PCAT7: variants seen among roughly 807,000 people sequenced by gnomAD.
PCAT7 encodes the protein prostate cancer associated transcript 7, also known as prostate cancer associated transcript 7 (non-protein coding).
chr9:94,567,377 C>G (rs141540383), intron 2 of PCAT7: 91 of 1,614,006 alleles, frequency 5.6e-5, no homozygotes, highest in Non-Finnish European at 7.5e-5. Flanking sequence ...ATCTTGACAT[C>G]TTTTTCCACC....
intron 2 of PCAT7, among the ~76,000 whole-genome samples, chr9:94,562,492 A>G (rs1056827218): frequency 2.0e-5 from 3 of 152,062 alleles, no homozygotes; most frequent in Admixed American, 2.0e-4. Context: ...TGATACACCA[A>G]CCTATTAAAA....
intron 2 of PCAT7, chr9:94,571,346 C>T: frequency 8.8e-7 from 1 of 1,133,902 alleles, no homozygotes; most frequent in Non-Finnish European, 1.2e-6. Flanking sequence ...TCTCAGGACC[C>T]CTGGTCCCCA....
chr9:94,559,434 A>G (rs1827060872), intron 2 of PCAT7, among the ~76,000 whole-genome samples: 1 of 152,132 alleles, frequency 6.6e-6, no homozygotes, highest in African/African-American at 2.4e-5. Flanking sequence ...TATGAGATCT[A>G]GGCATCTATT....
intron 1 of PCAT7, among the ~76,000 whole-genome samples, chr9:94,557,792 C>T (rs1290014888): frequency 6.6e-6 from 1 of 152,198 alleles, no homozygotes; most frequent in Non-Finnish European, 1.5e-5. Context: ...TTTGATTTGT[C>T]AATCTTTCAT....
intron 2 of PCAT7, chr9:94,569,394 G>A (rs1654151747): frequency 6.6e-6 from 1 of 152,170 alleles, no homozygotes; most frequent in African/African-American, 2.4e-5. Context: ...ATTGAGCCGG[G>A]GTCAATTTTG....
At chr9:94,566,670 C>G (rs777528823) in intron 2 of PCAT7, among the ~76,000 whole-genome samples, 2 of 152,156 alleles carry the variant, frequency 1.3e-5, no homozygotes, top group Non-Finnish European at 2.9e-5. Context: ...GGGTCTCCCC[C>G]ACCAAGCTGG....
intron 2 of PCAT7, among the ~76,000 whole-genome samples, chr9:94,564,218 A>C (rs1827152688): frequency 6.6e-6 from 1 of 152,240 alleles, no homozygotes; most frequent in Admixed American, 6.5e-5. Context: ...GTAAAATTGG[A>C]ACACACAATC....
intron 1 of PCAT7, among the ~76,000 whole-genome samples, chr9:94,556,126 G>C (rs1011234564): frequency 6.6e-6 from 1 of 151,466 alleles, no homozygotes; most frequent in Non-Finnish European, 1.5e-5. Flanking sequence ...GAAAGACGAT[G>C]AGGAAAACAG....
At chr9:94,571,355 C>A (rs1827266473) in intron 2 of PCAT7, 2 of 1,226,316 alleles carry the variant, frequency 1.6e-6, no homozygotes, top group Non-Finnish European at 2.2e-6. Flanking sequence ...CCCTGGTCCC[C>A]AAAACAAGTA....
intron 2 of PCAT7, chr9:94,569,779 A>C (rs889965315): frequency 6.6e-6 from 1 of 152,202 alleles, no homozygotes; most frequent in African/African-American, 2.4e-5. Flanking sequence ...GGTTAACAGG[A>C]GGTGGTCTCT....
At chr9:94,561,612 G>T (rs533126699) in intron 2 of PCAT7, among the ~76,000 whole-genome samples, 1 of 151,974 alleles carries the variant, frequency 6.6e-6, no homozygotes, top group Non-Finnish European at 1.5e-5. Flanking sequence ...TGATCCACCC[G>T]CCTTGGCCTC....
intron 2 of PCAT7, chr9:94,567,179 C>T: frequency 7.4e-7 from 1 of 1,347,340 alleles, no homozygotes; most frequent in South Asian, 1.2e-5. Flanking sequence ...TGGCACCAAC[C>T]TCTTTCAGCA....
chr9:94,560,643 A>T (rs1225744689), intron 2 of PCAT7, among the ~76,000 whole-genome samples: 1 of 150,564 alleles, frequency 6.6e-6, no homozygotes, highest in East Asian at 1.9e-4. Context: ...ATATGTTTAA[A>T]CTACTTTGAG....
At chr9:94,572,513 A>C (rs1222653302) in intron 2 of PCAT7, among the ~76,000 whole-genome samples, 1 of 152,192 alleles carries the variant, frequency 6.6e-6, no homozygotes, top group Non-Finnish European at 1.5e-5. Flanking sequence ...CTGGTCTTCC[A>C]GCGCTTGACG....
chr9:94,555,739 G>A lies in PCAT7; in HGVS notation n.257+429G>A, dbSNP rs550576811. Among the ~76,000 whole-genome samples the A allele has an allele frequency of 1.7e-3, 256 of 151,798 alleles. 1 individual carries two copies. Among genetic ancestry groups the A allele is most frequent in the Middle Eastern group, 6.9e-3 (2 of 290 alleles). On this transcript the variant is annotated intron_variant and non_coding_transcript_variant, in intron 1 of 8. Transcript: ENST00000647389. ...GAAGACAAGGTTTTGCGAAAAAACAGTGGCAGAAAAGAAAGATGGTGGAGA... is the reference window on the plus strand; with the variant it reads ...GAAGACAAGGTTTTGCGAAAAAACAATGGCAGAAAAGAAAGATGGTGGAGA...
At chr9:94,558,685 C>T (rs1381685275) in intron 1 of PCAT7, 3 of 440,204 alleles carry the variant, frequency 6.8e-6, no homozygotes, top group Non-Finnish European at 1.2e-5. Context: ...CCATATTTGC[C>T]ACTGTTTCTG....
intron 2 of PCAT7, chr9:94,568,149 TAC>T (rs1401969744): frequency 6.7e-6 from 1 of 149,466 alleles, no homozygotes; most frequent in Non-Finnish European, 1.5e-5. Context: ...AAATGTGTGG[TAC>T]AGTTATTTTG....
chr9:94,573,843 A>T (rs543830423), intron 3 of PCAT7, among the ~76,000 whole-genome samples: 25 of 152,330 alleles, frequency 1.6e-4, no homozygotes, highest in Non-Finnish European at 2.2e-4. Context: ...CATAAAATGA[A>T]TTGGGAAGTG....
At chr9:94,562,776 A>G (rs978742173) in intron 2 of PCAT7, among the ~76,000 whole-genome samples, 1 of 152,144 alleles carries the variant, frequency 6.6e-6, no homozygotes, top group African/African-American at 2.4e-5. Flanking sequence ...TAAGTTTTGC[A>G]TCATTAAGTT....
Sources: gnomAD v4.1 joint callset for allele counts (sites outside exome capture counted in the v4.1 genomes callset) on GRCh38, gnomAD v4.1.1 for gene constraint, MANE v1.5 for transcripts, NCBI Gene and HGNC (gene_info 2026-07-23, HGNC 2026-07-21) for gene names.